The following KTN1 variants were observed in gnomAD, a reference collection of about 807,000 sequenced individuals.
KTN1 encodes the protein kinectin 1, also known as kinectin.
In KTN1, 130 loss-of-function variants were observed where a neutral mutation model predicts 222.5. The ratio of observed to expected loss-of-function variants is 0.58; its 90% CI spans 0.51 to 0.68. The LOEUF (loss-of-function observed/expected upper bound fraction) is 0.68. Among genes scored for constraint, KTN1 ranks in the 30% least tolerant of loss-of-function variants. KTN1 has a pLI of 0.00. For synonymous variants in KTN1, 512 were observed against 496.3 expected (o/e 1.03, Z -0.42); for missense variants, 1,508 against 1,500.4 (o/e 1.01, Z -0.08).
intron 29 of KTN1, 22 bp downstream of exon 29, chr14:55,656,154 T>G (rs762178102): frequency 4.1e-6 from 6 of 1,469,020 alleles, no homozygotes; most frequent in Non-Finnish European, 4.7e-6. Flanking sequence ...GACTTAAAAT[T>G]AATTATTTTG....
chr14:55,616,868 A>G (rs2038473741), intron 3 of KTN1, among the ~76,000 whole-genome samples: 1 of 152,236 alleles, frequency 6.6e-6, no homozygotes, highest in Non-Finnish European at 1.5e-5. Flanking sequence ...AAAAGTTTAT[A>G]TACCATTTAC....
At chr14:55,643,699 T>A (rs1329199390) in intron 18 of KTN1, among the ~76,000 whole-genome samples, 2 of 152,178 alleles carry the variant, frequency 1.3e-5, no homozygotes, top group African/African-American at 4.8e-5. Context: ...CATCATTAGA[T>A]AAAAGTAAAA....
At position 55,627,968 on chromosome 14, in the gene KTN1, A is replaced by G. The variant is rs2040054376; in HGVS notation, c.1020A>G (p.Leu340=). 1 of 1,613,968 alleles carries G rather than the reference A, an allele frequency of 6.2e-7. No individual in the cohort carries two copies. The highest frequency in any genetic ancestry group is 2.2e-5 in the East Asian group (1 of 44,866). Residue 340 remains leucine, a synonymous_variant, in exon 6 of 44, where the codon TTA becomes TTG. Transcript: ENST00000395314. ...LIHQLQEKDK[L]LAAVKEDAAA... ...ATCAGCTTCAAGAAAAGGACAAGTT[A>G]CTCGCTGCTGTGAAGGAAGATGCTG...
chr14:55,676,100 A>G (rs1365353404), intron 41 of KTN1, among the ~76,000 whole-genome samples, 182 bp downstream of exon 41: 1 of 152,186 alleles, frequency 6.6e-6, no homozygotes, highest in Non-Finnish European at 1.5e-5. Flanking sequence ...TTGTTTTTCC[A>G]GGATTCTTAA....
chr14:55,661,502 G>GTAT lies in KTN1; in HGVS notation c.3000-18_3000-16dup. The stretch of plus-strand genomic sequence containing the variant: ...CTGTTTACCTAAAATCTTGCTACAT[G>GTAT]TATTCATGTTCTGGTTTAGAATTTC... On this transcript the variant is annotated intron_variant, in intron 31 of 43. Coordinates refer to ENST00000395314, the MANE Select transcript of KTN1 (RefSeq NM_001079521.2). 7.7e-7 allele frequency: 1 copy of GTAT among 1,300,336 alleles called. No individual in the cohort carries two copies. The highest frequency in any genetic ancestry group is 1.1e-6 in the Non-Finnish European group (1 of 895,078). The allele number at this position is 1,300,336 out of a possible 1,614,324, so 80.5% of individuals were successfully genotyped here.
At chr14:55,648,195 T>TAAACTTAAGA (rs2042589372) in intron 20 of KTN1, 80 bp downstream of exon 20, 2 of 662,368 alleles carry the variant, frequency 3.0e-6, no homozygotes, top group Non-Finnish European at 5.1e-6. Context: ...TGTAAGGTTT[T>TAAACTTAAGA]TCCCATAGAT....
intron 21 of KTN1, among the ~76,000 whole-genome samples, chr14:55,649,381 A>G (rs2042710743): frequency 6.6e-6 from 1 of 152,198 alleles, no homozygotes; most frequent in Admixed American, 6.5e-5. Flanking sequence ...TACTGTGACA[A>G]ATACTCCAGA....
intron 1 of KTN1, among the ~76,000 whole-genome samples, chr14:55,607,111 A>AAAT (rs1448463035): frequency 6.6e-6 from 1 of 152,128 alleles, no homozygotes; most frequent in Non-Finnish European, 1.5e-5. Context: ...TATATCACTT[A>AAAT]AAATTTTAGG....
At chr14:55,583,964 AC>A (rs1393292837) in intron 1 of KTN1, among the ~76,000 whole-genome samples, 4 of 152,144 alleles carry the variant, frequency 2.6e-5, no homozygotes, top group African/African-American at 9.7e-5. Flanking sequence ...ATCAGTACTT[AC>A]TGCTTCCACT....
At chr14:55,603,409 A>G (rs138805603) in intron 1 of KTN1, among the ~76,000 whole-genome samples, 2 of 152,362 alleles carry the variant, frequency 1.3e-5, no homozygotes, top group Admixed American at 6.5e-5. Context: ...CTGTGTTGCT[A>G]AATTCAGAAG....
chr14:55,604,929 C>G (rs376654093), intron 1 of KTN1, among the ~76,000 whole-genome samples: 2 of 152,156 alleles, frequency 1.3e-5, no homozygotes, highest in East Asian at 1.9e-4. Context: ...TCCATAGTAG[C>G]CTCTTACTGC....
At chr14:55,623,266 C>T (rs1222479331) in intron 5 of KTN1, among the ~76,000 whole-genome samples, 4 of 152,206 alleles carry the variant, frequency 2.6e-5, no homozygotes, top group African/African-American at 4.8e-5. Context: ...TGTTAGTTTC[C>T]GTGTGATGCC....
Position 55,653,042 on chromosome 14 carries a change from TAAAAGCACATGTTCA to T in KTN1, c.2721_2735del (p.Lys908_Gln912del), listed in dbSNP as rs2043104086. 6.2e-7 allele frequency: 1 copy of T among 1,604,868 alleles called. No homozygotes were observed. ...GATCTTCAAGAAGAAAATGAATCTT[TAAAAGCACATGTTCA>T]GGAAGTAGCACAACATAACTTGAAA... On this transcript the variant is annotated inframe_deletion, in exon 27 of 44. Transcript: ENST00000395314.
chr14:55,647,112 T>C, intron 19 of KTN1, 105 bp downstream of exon 19: 1 of 742,378 alleles, frequency 1.3e-6, no homozygotes. Flanking sequence ...ATGGAAGAAA[T>C]GTAGTATGCT....
intron 8 of KTN1, among the ~76,000 whole-genome samples, chr14:55,634,029 A>G (rs1018090810): frequency 6.6e-6 from 1 of 152,012 alleles, no homozygotes; most frequent in East Asian, 1.9e-4. Flanking sequence ...AATCTCAGCT[A>G]CTCGGGAGAC....
In KTN1 at chr14:55,684,248, C is replaced by T; in HGVS notation, c.*145C>T. The T allele has an allele frequency of 5.7e-6, 3 of 525,702 alleles. No homozygotes were observed. Among genetic ancestry groups the T allele is most frequent in the Non-Finnish European group, 9.6e-6 (3 of 310,886 alleles). The allele number at this position is 525,702 out of a possible 1,614,324, so 32.6% of individuals were successfully genotyped here. On this transcript the variant is annotated 3_prime_UTR_variant, in exon 44 of 44. Coordinates refer to ENST00000395314, the MANE Select transcript of KTN1 (RefSeq NM_001079521.2). Reference sequence around the variant, plus strand: ...GTCTTTTCTAATCCTTGTTAGACTACTGATTTAAAGAAGGAAAAAAAAAAG... The same window carrying T: ...GTCTTTTCTAATCCTTGTTAGACTATTGATTTAAAGAAGGAAAAAAAAAAG...
intron 27 of KTN1, 50 bp downstream of exon 27, chr14:55,653,135 T>G: frequency 8.3e-7 from 1 of 1,205,846 alleles, no homozygotes; most frequent in Non-Finnish European, 1.2e-6. Context: ...TGATAAATCT[T>G]TGTTTAAGGC....
chr14:55,667,182 C>CT (rs1566835853), intron 33 of KTN1, 59 bp from the exon 34 acceptor site: 11 of 1,120,928 alleles, frequency 9.8e-6, no homozygotes, highest in South Asian at 2.9e-5. Flanking sequence ...TTTTTCTTTT[C>CT]TTTTTTTAAA....
intron 41 of KTN1, among the ~76,000 whole-genome samples, chr14:55,677,234 G>A (rs918174368): frequency 6.6e-6 from 1 of 152,060 alleles, no homozygotes; most frequent in Non-Finnish European, 1.5e-5. Context: ...CCAGTACTTT[G>A]GGAGGCCAAG....
Sources: allele counts gnomAD v4.1 joint callset (sites outside exome capture counted in the v4.1 genomes callset), GRCh38; gene constraint gnomAD v4.1.1; transcripts MANE v1.5; gene names NCBI Gene and HGNC (gene_info 2026-07-23, HGNC 2026-07-21).